ZNF142: variants seen among roughly 807,000 people sequenced by gnomAD.
ZNF142 encodes the protein zinc finger protein 142.
A neutral mutation model predicts 132.1 loss-of-function variants in ZNF142; 96 were observed. The ratio of observed to expected loss-of-function variants is 0.73; its 90% confidence interval spans 0.62 to 0.86. ZNF142 has a LOEUF of 0.86. Among genes scored for constraint, ZNF142 ranks in the 40% least tolerant of loss-of-function variants. The probability of loss-of-function intolerance (pLI) is 0.00; values close to 1 mark genes in which losing one functional copy is unlikely to be tolerated. For missense variants in ZNF142, 2,163 were observed against 2,336.2 expected (o/e 0.93, Z 1.53); for synonymous variants, 842 against 890.1 (o/e 0.95, Z 0.96).
chr2:218,644,172 T>A lies in ZNF142; in HGVS notation c.2944A>T (p.Thr982Ser), dbSNP rs2106218079. 1 of 1,614,092 alleles carries A rather than the reference T, an allele frequency of 6.2e-7. No individual in the cohort carries two copies. The highest frequency in any genetic ancestry group is 2.2e-5 in the East Asian group (1 of 44,878). ...LEEAPNNWVG[T>S]FKTTPPAETA... ...TCAGCAGGTGGAGTTGTCTTGAAGG[T>A]TCCTACCCAGTTGTTAGGAGCCTCC... The change falls in exon 9 of 11, where the codon ACC becomes TCC. Residue 982 changes from threonine to serine, a missense_variant. Physicochemically the swap from Thr to Ser is moderately conservative, Grantham distance 58. This residue lies in a region of ZNF142 where 809 missense variants were observed against 801.7 expected (regional missense o/e 1.01). Transcript: ENST00000411696. The surrounding 1 kb of genome is among the most constrained non-coding windows in gnomAD (Gnocchi z 4.6).
At position 218,634,165 on chromosome 2, in the gene ZNF142, G is replaced by A. The variant is rs371822448; in HGVS notation, c.*4174C>T. ...AGCCGTGTGTATCCCAGCGGCCTGA[G>A]GACAGACTCTTCCAACTACAACCCC... is the stretch of plus-strand genomic sequence containing the variant. On this transcript the variant is annotated 3_prime_UTR_variant, in exon 11 of 11. Coordinates refer to ENST00000411696, the MANE Select transcript of ZNF142 (RefSeq NM_001379659.1). This position sits in a 1 kb window ranked among gnomAD's most constrained non-coding sequence, Gnocchi z 4.0. 4 of 1,612,676 alleles carry A rather than the reference G, an allele frequency of 2.5e-6. No homozygotes were observed. The highest frequency in any genetic ancestry group is 3.4e-6 in the Non-Finnish European group (4 of 1,179,428).
In ZNF142 at chr2:218,650,304, T is replaced by C. The variant is rs540283321; in HGVS notation, c.1048+55A>G. On this transcript the variant is annotated intron_variant, in intron 6 of 10. Coordinates refer to ENST00000411696, the MANE Select transcript of ZNF142 (RefSeq NM_001379659.1). ...ACCCCAGAGCCTCAATGGCAGGGTTTCAACAATCCATTCTTCCCCACCACC... is the reference window on the plus strand; with the variant it reads ...ACCCCAGAGCCTCAATGGCAGGGTTCCAACAATCCATTCTTCCCCACCACC... 374 of 1,609,806 alleles carry C rather than the reference T, an allele frequency of 2.3e-4. No homozygotes were observed. The African/African-American group carries it at 4.2e-3, about 18-fold the overall frequency.
intron 4 of ZNF142, among the ~76,000 whole-genome samples, chr2:218,654,920 A>C (rs1030272462): frequency 6.6e-6 from 1 of 152,074 alleles, no homozygotes; most frequent in African/African-American, 2.4e-5. Flanking sequence ...CCTCGTTTCT[A>C]CCAAAGAAAA....
rs201658171 is a variant in ZNF142, at chr2:218,638,497, C to T, written c.5506G>A (p.Val1836Met). The T allele has an allele frequency of 4.6e-5, 74 of 1,605,360 alleles. No individual in the cohort carries two copies. Among genetic ancestry groups the T allele is most frequent in the Non-Finnish European group, 1.9e-5 (22 of 1,174,254 alleles). ...CNYKAKQKFQ[V>M]VKHVRRHHPD... Reference sequence around the variant, plus strand: ...TGGTGCCTGCGTACGTGCTTGACCACCTGGAACTTTTGCTTGGCCTTGTAG... The same window carrying T: ...TGGTGCCTGCGTACGTGCTTGACCATCTGGAACTTTTGCTTGGCCTTGTAG... The change falls in exon 11 of 11, where the codon GTG becomes ATG. Residue 1836 changes from valine to methionine, a missense_variant. This residue lies in a region of ZNF142 where 325 missense variants were observed against 367.8 expected (regional missense o/e 0.88). Coordinates refer to ENST00000411696, the MANE Select transcript of ZNF142 (RefSeq NM_001379659.1).
chr2:218,647,561 G>A (rs963001108), intron 7 of ZNF142, among the ~76,000 whole-genome samples: 1 of 152,000 alleles, frequency 6.6e-6, no homozygotes, highest in African/African-American at 2.4e-5. Context: ...TTAAATCCTA[G>A]TTGACTACCA....
chr2:218,654,081 T>C (rs1196583653), intron 4 of ZNF142, among the ~76,000 whole-genome samples: 6 of 152,148 alleles, frequency 3.9e-5, no homozygotes, highest in Non-Finnish European at 8.8e-5. Context: ...TTTTAAAAAA[T>C]AAATTGTGCC....
At chr2:218,652,512 C>CT (rs1200017911) in intron 4 of ZNF142, among the ~76,000 whole-genome samples, 1 of 152,180 alleles carries the variant, frequency 6.6e-6, no homozygotes, top group Non-Finnish European at 1.5e-5. Context: ...CAATACTTGG[C>CT]ACAAGATAGG....
chr2:218,643,738 G>T lies in ZNF142; in HGVS notation c.3378C>A (p.Pro1126=). The change falls in exon 9 of 11, where the codon CCC becomes CCA. Residue 1126 remains proline, a synonymous_variant. Transcript: ENST00000411696. Reference sequence around the variant, plus strand: ...GCTCTGCTTCTTGTGATGCAGGTGGGGGCTTCCCACTTTCTGTGTCCTCTG... The same window carrying T: ...GCTCTGCTTCTTGTGATGCAGGTGGTGGCTTCCCACTTTCTGTGTCCTCTG... ...QASEDTESGK[P]PPASQEAELL... is the part of the protein sequence containing the mutation. 1 of 1,609,062 alleles carries T rather than the reference G, an allele frequency of 6.2e-7. No homozygotes were observed. The highest frequency in any genetic ancestry group is 8.5e-7 in the Non-Finnish European group (1 of 1,177,940).
chr2:218,647,281 G>A (rs565704428), intron 7 of ZNF142, among the ~76,000 whole-genome samples: 1 of 151,718 alleles, frequency 6.6e-6, no homozygotes, highest in South Asian at 2.1e-4. Context: ...AAATTAGCTG[G>A]GCATGGTGGT....
In ZNF142 at chr2:218,634,317, A is replaced by T. The variant is rs1696582458; in HGVS notation, c.*4022T>A. The stretch of plus-strand genomic sequence containing the variant: ...GGTAGGGTTGGGGAATGCTCAAGAA[A>T]ATTGCTAGGCTGAGAAATGCTATCA... On this transcript the variant is annotated 3_prime_UTR_variant, in exon 11 of 11. Coordinates refer to ENST00000411696, the MANE Select transcript of ZNF142 (RefSeq NM_001379659.1). The surrounding 1 kb of genome is among the most constrained non-coding windows in gnomAD (Gnocchi z 4.0). 1.3e-6 allele frequency: 2 copies of T among 1,572,524 alleles called. No individual in the cohort carries two copies. The highest frequency in any genetic ancestry group is 1.9e-5 in the Admixed American group (1 of 52,954).
rs773965651 is a variant in ZNF142, at chr2:218,636,470, G to A, written c.*1869C>T. The A allele has an allele frequency of 6.2e-7, 1 of 1,613,976 alleles. No homozygotes were observed. Among genetic ancestry groups the A allele is most frequent in the South Asian group, 1.1e-5 (1 of 91,084 alleles). The stretch of plus-strand genomic sequence containing the variant: ...TAATGCTGTCCTCCTGCCCCTTCCA[G>A]GTTACCGCCACATTCACCTGCTGTC... On this transcript the variant is annotated 3_prime_UTR_variant, in exon 11 of 11. Transcript: ENST00000411696.
chr2:218,642,269 T>C lies in ZNF142; in HGVS notation c.4847A>G (p.Asp1616Gly). Residue 1616 changes from aspartate to glycine, a missense_variant, in exon 9 of 11, where the codon GAT becomes GGT. By Grantham distance (94) the Asp-to-Gly change is moderately conservative. Coordinates refer to ENST00000411696, the MANE Select transcript of ZNF142 (RefSeq NM_001379659.1). This position sits in a 1 kb window ranked among gnomAD's most constrained non-coding sequence, Gnocchi z 4.6. ...TAGCGGGGGCTGGCCAGCATCCCCATCCCCATCTGAGGCTGCCACGGCTGC... is the reference window on the plus strand; with the variant it reads ...TAGCGGGGGCTGGCCAGCATCCCCACCCCCATCTGAGGCTGCCACGGCTGC... ...TSAAVAASDGDGDAGQPPLHC... is the reference protein window; with the variant it reads ...TSAAVAASDGGGDAGQPPLHC... The C allele has an allele frequency of 6.2e-7, 1 of 1,614,118 alleles. No homozygotes were observed. The highest frequency in any genetic ancestry group is 8.5e-7 in the Non-Finnish European group (1 of 1,180,024).
Position 218,636,547 on chromosome 2 carries a change from C to A in ZNF142, c.*1792G>T. The A allele has an allele frequency of 1.2e-6, 2 of 1,613,988 alleles. No individual in the cohort carries two copies. Among genetic ancestry groups the A allele is most frequent in the South Asian group, 1.1e-5 (1 of 91,080 alleles). On this transcript the variant is annotated 3_prime_UTR_variant, in exon 11 of 11. Transcript: ENST00000411696. ...CTTCCATCTTTGTGTATATCTGCAT[C>A]CAGGAAGGCCTGGAGGGGGATGAGT...
Position 218,642,947 on chromosome 2 carries a change from C to G in ZNF142, c.4169G>C (p.Arg1390Pro). 1 of 1,613,632 alleles carries G rather than the reference C, an allele frequency of 6.2e-7. No homozygotes were observed. Residue 1390 changes from arginine (R) to proline (P), a missense_variant, in exon 9 of 11, where the codon CGG becomes CCG. Physicochemically the swap from Arg to Pro is moderately radical, Grantham distance 103. This residue lies in a region of ZNF142 where 809 missense variants were observed against 801.7 expected (regional missense o/e 1.01). Coordinates refer to ENST00000411696, the MANE Select transcript of ZNF142 (RefSeq NM_001379659.1). The surrounding 1 kb of genome is among the most constrained non-coding windows in gnomAD (Gnocchi z 4.6). ...CKQSRCMQQH[R>P]RLKHEGVKPH... ...CTTCACCCCCTCGTGCTTGAGCCGCCGGTGCTGCTGCATGCAACGGCTCTG... is the reference window on the plus strand; with the variant it reads ...CTTCACCCCCTCGTGCTTGAGCCGCGGGTGCTGCTGCATGCAACGGCTCTG...
At chr2:218,654,397 C>T (rs556803796) in intron 4 of ZNF142, among the ~76,000 whole-genome samples, 3 of 149,446 alleles carry the variant, frequency 2.0e-5, no homozygotes, top group South Asian at 2.1e-4. Context: ...GACAGAATCT[C>T]GCTTTGTTGT....
At chr2:218,648,060 A>G (rs1001445328) in intron 7 of ZNF142, among the ~76,000 whole-genome samples, 1 of 152,232 alleles carries the variant, frequency 6.6e-6, no homozygotes, top group East Asian at 1.9e-4. Flanking sequence ...TGATGTTGAT[A>G]TAGAGATCAC....
Position 218,642,580 on chromosome 2 carries a change from A to G in ZNF142, c.4536T>C (p.Pro1512=), listed in dbSNP as rs1697309767. Reference sequence around the variant, plus strand: ...CAGGAGAGCCAGGGGCAGGCTGTGCAGGCTCGGGGTGTCGGCGCAGAGCAT... The same window carrying G: ...CAGGAGAGCCAGGGGCAGGCTGTGCGGGCTCGGGGTGTCGGCGCAGAGCAT... ...KQHALRRHPE[P]AQPAPGSPAE... is the part of the protein sequence containing the mutation. Residue 1512 remains proline, a synonymous_variant, in exon 9 of 11, where the codon CCT becomes CCC. Coordinates refer to ENST00000411696, the MANE Select transcript of ZNF142 (RefSeq NM_001379659.1). The surrounding 1 kb of genome is among the most constrained non-coding windows in gnomAD (Gnocchi z 4.6). 3.1e-6 allele frequency: 5 copies of G among 1,613,484 alleles called. No individual in the cohort carries two copies. The highest frequency in any genetic ancestry group is 3.4e-6 in the Non-Finnish European group (4 of 1,179,836).
chr2:218,656,500 A>G (rs1938517369), intron 3 of ZNF142, 37 bp from the exon 4 acceptor site: 3 of 1,403,598 alleles, frequency 2.1e-6, no homozygotes, highest in East Asian at 4.9e-5. Flanking sequence ...AAGTAAGGTT[A>G]GAGTTCTTAC....
At position 218,635,864 on chromosome 2, in the gene ZNF142, G is replaced by T; in HGVS notation, c.*2475C>A. 4 of 1,613,994 alleles carry T rather than the reference G, an allele frequency of 2.5e-6. No homozygotes were observed. Among genetic ancestry groups the T allele is most frequent in the East Asian group, 2.2e-5 (1 of 44,878 alleles). On this transcript the variant is annotated 3_prime_UTR_variant, in exon 11 of 11. Transcript: ENST00000411696. The stretch of plus-strand genomic sequence containing the variant: ...AGGGGTCCATTGTGGATCCACTGGT[G>T]AAAGTGCAGATCTTTGGCGTTCGTC...
Sources: gnomAD v4.1 joint callset for allele counts (sites outside exome capture counted in the v4.1 genomes callset) on GRCh38, gnomAD v4.1.1 for gene constraint, gnomAD v4.1.1 regional missense constraint, Gnocchi (gnomAD v3.1) non-coding constraint, MANE v1.5 for transcripts, NCBI Gene and HGNC (gene_info 2026-07-23, HGNC 2026-07-21) for gene names.